Variants in AMOTL1 observed in about 807,000 individuals in gnomAD.
AMOTL1 encodes the protein angiomotin-like protein 1.
AMOTL1 carries 45 observed loss-of-function variants against 102.9 expected under a neutral mutation model. The observed-to-expected ratio is 0.44, with a 90% CI of 0.34 to 0.56. AMOTL1 has a LOEUF of 0.56. Ranked by LOEUF, AMOTL1 falls within the 20% of genes least tolerant of loss-of-function variation. AMOTL1 has a pLI of 0.01. For synonymous variants in AMOTL1, 481 were observed against 484.7 expected (o/e 0.99, Z 0.10); for missense variants, 1,114 against 1,225.6 (o/e 0.91, Z 1.36).
rs547772394 is a variant in AMOTL1, at chr11:94,785,592, A to T, written c.50-9419A>T. Among the ~76,000 whole-genome samples the T allele has an allele frequency of 5.9e-5, 9 of 152,240 alleles. No homozygotes were observed. In the South Asian group the frequency reaches 8.3e-4, roughly 14 times the overall value. ...ATTCATGAACGCATATTGATTTAGGAGCTGGGTGAGTGTGATTAGAAGCAA... is the reference window on the plus strand; with the variant it reads ...ATTCATGAACGCATATTGATTTAGGTGCTGGGTGAGTGTGATTAGAAGCAA... On this transcript the variant is annotated intron_variant, in intron 1 of 12. Coordinates refer to ENST00000433060, the MANE Select transcript of AMOTL1 (RefSeq NM_130847.3).
rs78354167 is a variant in AMOTL1, at chr11:94,769,771, C to A, written c.49+1211C>A. ...ATTTTGTCCCCATGGTCCCTCAGCT[C>A]CCTTTCTCTGTGAGGCCTTGGTTTC... On this transcript the variant is annotated intron_variant, in intron 1 of 12. Transcript: ENST00000433060. Among the ~76,000 whole-genome samples the A allele has an allele frequency of 1.0e-2, 1,516 of 152,142 alleles. 11 individuals are homozygous for A. Among genetic ancestry groups the A allele is most frequent in the Non-Finnish European group, 0.017 (1,145 of 68,000 alleles).
At chr11:94,757,349 T>C (rs1950738614) in intron 3 of AMOTL1, among the ~76,000 whole-genome samples, 2 of 152,274 alleles carry the variant, frequency 1.3e-5, no homozygotes, top group South Asian at 4.1e-4. Flanking sequence ...CCACCGCTTA[T>C]GAAATGAGGA....
At chr11:94,809,280 C>T (rs964289000) in intron 3 of AMOTL1, among the ~76,000 whole-genome samples, 2 of 152,126 alleles carry the variant, frequency 1.3e-5, no homozygotes, top group Non-Finnish European at 2.9e-5. Flanking sequence ...CCTAAGTCTT[C>T]AAGTTCTGAT....
intron 6 of AMOTL1, among the ~76,000 whole-genome samples, chr11:94,837,793 G>A (rs1413268275): frequency 2.0e-5 from 3 of 152,206 alleles, no homozygotes; most frequent in Non-Finnish European, 2.9e-5. Context: ...TGATTTTCAC[G>A]TTGTTGGTTT....
At chr11:94,781,126 C>G (rs1021423758) in intron 1 of AMOTL1, among the ~76,000 whole-genome samples, 4 of 151,672 alleles carry the variant, frequency 2.6e-5, no homozygotes, top group Non-Finnish European at 5.9e-5. Context: ...CTTTTTTTCC[C>G]CTAGTGAAAT....
chr11:94,780,595 T>G (rs1243744469), intron 1 of AMOTL1, among the ~76,000 whole-genome samples: 1 of 152,254 alleles, frequency 6.6e-6, no homozygotes, highest in Non-Finnish European at 1.5e-5. Flanking sequence ...TGATCATCTC[T>G]TGAAAGTGAA....
intron 8 of AMOTL1, among the ~76,000 whole-genome samples, chr11:94,854,485 G>A (rs1057033780): frequency 6.6e-6 from 1 of 152,212 alleles, no homozygotes; most frequent in Non-Finnish European, 1.5e-5. Context: ...GGTGCAGGTA[G>A]CTAGGGGAAA....
At chr11:94,824,406 C>T (rs1341109569) in intron 4 of AMOTL1, among the ~76,000 whole-genome samples, 6 of 152,186 alleles carry the variant, frequency 3.9e-5, no homozygotes, top group Non-Finnish European at 7.3e-5. Context: ...AGTGACGTTA[C>T]ATGAGGACTT....
chr11:94,865,901 C>A, intron 10 of AMOTL1, 41 bp from the exon 11 acceptor site: 1 of 1,559,382 alleles, frequency 6.4e-7, no homozygotes, highest in Non-Finnish European at 8.7e-7. Context: ...TTTTTCTAGC[C>A]AAGTGGCTTT....
At chr11:94,835,030 T>C (rs1292712892) in intron 6 of AMOTL1, among the ~76,000 whole-genome samples, 2 of 152,220 alleles carry the variant, frequency 1.3e-5, no homozygotes, top group East Asian at 3.9e-4. Flanking sequence ...GATTTGTCTA[T>C]ACAAAAAATC....
chr11:94,798,924 G>A (rs1951415236), intron 2 of AMOTL1, among the ~76,000 whole-genome samples: 1 of 152,116 alleles, frequency 6.6e-6, no homozygotes, highest in Non-Finnish European at 1.5e-5. Flanking sequence ...GAGCATTTGG[G>A]AAGGGGAGAC....
At chr11:94,822,636 G>A (rs1951887438) in intron 4 of AMOTL1, among the ~76,000 whole-genome samples, 1 of 152,174 alleles carries the variant, frequency 6.6e-6, no homozygotes, top group Non-Finnish European at 1.5e-5. Context: ...CAGGTGGGGA[G>A]ATGCTGAGTA....
intron 11 of AMOTL1, among the ~76,000 whole-genome samples, chr11:94,866,999 C>T (rs1952898021): frequency 6.6e-6 from 1 of 152,090 alleles, no homozygotes; most frequent in African/African-American, 2.4e-5. Context: ...CACATCCTTC[C>T]CCTGCACTCT....
intron 1 of AMOTL1, among the ~76,000 whole-genome samples, chr11:94,715,306 T>G (rs1014427788): frequency 5.9e-5 from 9 of 152,104 alleles, no homozygotes; most frequent in African/African-American, 2.2e-4. Context: ...ATGATGAATA[T>G]TCCATGGATG....
At chr11:94,797,527 A>G (rs4753623) in intron 2 of AMOTL1, among the ~76,000 whole-genome samples, 7,845 of 152,270 alleles carry the variant, frequency 0.052, 492 homozygotes, top group East Asian at 0.28. Flanking sequence ...AATAATTGCC[A>G]TCTACTGTGA....
rs5793699 is a variant in AMOTL1, at chr11:94,810,496, C to CAAA, written c.1121+10199_1121+10201dup. Among the ~76,000 whole-genome samples, 127 of 133,436 alleles carry CAAA rather than the reference C, an allele frequency of 9.5e-4. 2 individuals carry two copies. The highest frequency in any genetic ancestry group is 1.2e-3 in the African/African-American group (44 of 35,972). The allele number at this position is 133,436 out of a possible 152,430, so 87.5% of individuals were successfully genotyped here. On this transcript the variant is annotated intron_variant, in intron 3 of 12. Transcript: ENST00000433060. The stretch of plus-strand genomic sequence containing the variant: ...CTCTGCTACAATAACTATTTTAGTC[C>CAAA]AAAAAAAAAAAAAAAAGAAAAGAAA...
rs1363998417 is a variant in AMOTL1 at position 94,864,842 on chromosome 11, G to T, written c.2243G>T (p.Cys748Phe). 2 of 1,613,788 alleles carry T rather than the reference G, an allele frequency of 1.2e-6. No individual in the cohort carries two copies. The highest frequency in any genetic ancestry group is 3.3e-5 in the Admixed American group (2 of 60,018). Residue 748 changes from cysteine to phenylalanine, a missense_variant, in exon 10 of 13, where the codon TGT becomes TTT. Cys to Phe is a radical substitution (Grantham distance 205). Coordinates refer to ENST00000433060, the MANE Select transcript of AMOTL1 (RefSeq NM_130847.3). Reference sequence around the variant, plus strand: ...GAGGTGGTGCAGGCCAACAGAAGGTGTCAGGACATGGAATACACGTAAGGG... The same window carrying T: ...GAGGTGGTGCAGGCCAACAGAAGGTTTCAGGACATGGAATACACGTAAGGG... Reference protein sequence around the residue: ...EEEVVQANRRCQDMEYTIKNL... With the variant: ...EEEVVQANRRFQDMEYTIKNL...
At chr11:94,847,770 G>A (rs1209480645) in intron 6 of AMOTL1, among the ~76,000 whole-genome samples, 1 of 150,394 alleles carries the variant, frequency 6.6e-6, no homozygotes, top group African/African-American at 2.4e-5. Flanking sequence ...GGGTGTTGGA[G>A]GGGGTGGGGT....
At chr11:94,803,578 G>C (rs1243314855) in intron 3 of AMOTL1, among the ~76,000 whole-genome samples, 5 of 152,194 alleles carry the variant, frequency 3.3e-5, no homozygotes, top group Non-Finnish European at 7.4e-5. Flanking sequence ...GGTTGTTACT[G>C]TGGAGAATTG....
Sources: gnomAD v4.1 joint callset for allele counts (sites outside exome capture counted in the v4.1 genomes callset) on GRCh38, gnomAD v4.1.1 for gene constraint, MANE v1.5 for transcripts, NCBI Gene and HGNC (gene_info 2026-07-23, HGNC 2026-07-21) for gene names.